The following SLC33A1 variants were observed in gnomAD, a reference collection of about 807,000 sequenced individuals.
SLC33A1 encodes acetyl-coenzyme A transporter 1.
In SLC33A1, 20 loss-of-function variants were observed where a neutral mutation model predicts 50.0. The observed-to-expected ratio is 0.40, with a 90% CI of 0.28 to 0.58. The LOEUF (loss-of-function observed/expected upper bound fraction) is 0.58, where lower values mean the gene tolerates loss of function less well. SLC33A1 is among the 20% of genes least tolerant of loss of function. SLC33A1 has a pLI of 0.44. For missense variants in SLC33A1, 476 were observed against 657.0 expected (o/e 0.72, Z 3.01); for synonymous variants, 265 against 251.8 (o/e 1.05, Z -0.50).
rs1489970383 is a variant in SLC33A1 at position 155,833,918 on chromosome 3, T to C, written c.1087A>G (p.Ile363Val). ...TGGGGACCTGCAGTGTATTTGCTGA[T>C]AATCAGAGGCAGTATTATCTGCAAA... ...VPLQIILPLI[I>V]SKYTAGPQPL... Residue 363 changes from isoleucine to valine, a missense_variant, in exon 3 of 6, where the codon ATC (isoleucine) becomes GTC (valine). Ile to Val is a conservative substitution (Grantham distance 29). Coordinates refer to ENST00000643144, the MANE Select transcript of SLC33A1 (RefSeq NM_004733.4). 2.5e-6 allele frequency: 4 copies of C among 1,614,012 alleles called. No individual in the cohort carries two copies. In the South Asian group the frequency reaches 3.3e-5, roughly 13 times the overall value.
At chr3:155,851,745 T>C (rs377227670) in intron 1 of SLC33A1, among the ~76,000 whole-genome samples, 29 of 151,704 alleles carry the variant, frequency 1.9e-4, no homozygotes, top group African/African-American at 6.5e-4. Flanking sequence ...AAAGCAGGAG[T>C]GGAACCCCAG....
rs1409597128 is a variant in SLC33A1, at chr3:155,825,465, T to A, written c.*2745A>T. ...GCCACAGCATCCAGCCTAAGGAAGATCCCTTGAGCCTAGGAATTTGAGGCT... is the reference window on the plus strand; with the variant it reads ...GCCACAGCATCCAGCCTAAGGAAGAACCCTTGAGCCTAGGAATTTGAGGCT... On this transcript the variant is annotated 3_prime_UTR_variant, in exon 6 of 6. Transcript: ENST00000643144. The A allele has an allele frequency of 3.3e-5, 5 of 152,174 alleles. No individual in the cohort carries two copies. Among genetic ancestry groups the A allele is most frequent in the Non-Finnish European group, 7.3e-5 (5 of 68,054 alleles). The allele number at this position is 152,174 out of a possible 1,614,324, so 9.4% of individuals were successfully genotyped here.
rs943636235 is a variant in SLC33A1, at chr3:155,830,246, G to A, written c.1267-343C>T. ...AAAATAGCCGGATGTGGTGGCAGGC[G>A]CCTGTAGTCCCAGCTACTTGGGAGG... On this transcript the variant is annotated intron_variant, in intron 4 of 5. Transcript: ENST00000643144. Among the ~76,000 whole-genome samples, 6 of 151,658 alleles carry A rather than the reference G, an allele frequency of 4.0e-5. No homozygotes were observed. In the East Asian group the frequency reaches 7.7e-4, roughly 20 times the overall value.
intron 1 of SLC33A1, among the ~76,000 whole-genome samples, chr3:155,850,401 G>A (rs1406108750): frequency 6.6e-6 from 1 of 152,156 alleles, no homozygotes; most frequent in Non-Finnish European, 1.5e-5. Flanking sequence ...TACTTAAGAT[G>A]AGAAAGCCTC....
chr3:155,850,704 C>T (rs1487585075), intron 1 of SLC33A1, among the ~76,000 whole-genome samples: 2 of 151,654 alleles, frequency 1.3e-5, no homozygotes, highest in Non-Finnish European at 2.9e-5. Flanking sequence ...GCAACCTCTG[C>T]TTCCTGGGTT....
chr3:155,826,782 C>T lies in SLC33A1; in HGVS notation c.*1428G>A, dbSNP rs1413293307. On this transcript the variant is annotated 3_prime_UTR_variant, in exon 6 of 6. Coordinates refer to ENST00000643144, the MANE Select transcript of SLC33A1 (RefSeq NM_004733.4). ...TGCCATTTTCTCCCACCCATTTTAT[C>T]CTCCATTACTTATAAAAACCCCACT... The T allele has an allele frequency of 6.6e-6, 1 of 152,100 alleles. No individual in the cohort carries two copies. The highest frequency in any genetic ancestry group is 2.4e-5 in the African/African-American group (1 of 41,404). 9.4% of individuals were successfully genotyped at this position (152,100 alleles called of 1,614,324 possible).
Position 155,829,738 on chromosome 3 carries a change from CTT to C in SLC33A1, c.1430_1431del (p.Lys477ArgfsTer14). Reference sequence around the variant, plus strand: ...TTCTGGTTTGATGCTCCTACACACTCTTTTACTGTGAGGGGATCTACAAGCCA... The same window carrying C: ...TTCTGGTTTGATGCTCCTACACACTCTTACTGTGAGGGGATCTACAAGCCA... ...ALWLVDPLTVKECVGASNQNC... is the reference protein window; with the variant it reads ...ALWLVDPLTVXECVGASNQNC... On this transcript the variant is annotated frameshift_variant, in exon 5 of 6. Transcript: ENST00000643144. LOFTEE classifies it high-confidence loss of function. 4 of 1,614,120 alleles carry C rather than the reference CTT, an allele frequency of 2.5e-6. No homozygotes were observed. Among genetic ancestry groups the C allele is most frequent in the Non-Finnish European group, 3.4e-6 (4 of 1,180,008 alleles).
chr3:155,824,221 T>C lies in SLC33A1; in HGVS notation c.*3989A>G, dbSNP rs146081110. Reference sequence around the variant, plus strand: ...TTCTCTAATAATAAGGTAAAATACATTTTGGAAATCTGCATGGAATGTTCC... The same window carrying C: ...TTCTCTAATAATAAGGTAAAATACACTTTGGAAATCTGCATGGAATGTTCC... On this transcript the variant is annotated 3_prime_UTR_variant, in exon 6 of 6. Coordinates refer to ENST00000643144, the MANE Select transcript of SLC33A1 (RefSeq NM_004733.4). 8.3e-4 allele frequency: 126 copies of C among 152,358 alleles called. No homozygotes were observed. The highest frequency in any genetic ancestry group is 2.8e-3 in the African/African-American group (116 of 41,584). 9.4% of individuals were successfully genotyped at this position (152,358 alleles called of 1,614,324 possible). A position where few individuals can be genotyped will look rare whatever the true frequency, so the allele number is the denominator to read the frequency against.
chr3:155,836,280 C>CAAA lies in SLC33A1; in HGVS notation c.964-2242_964-2240dup, dbSNP rs57460942. ...GCCTGGTGACAGAGTGAGACTCTGT[C>CAAA]AAAAAAAAAAAAAAAAAAAAAAAAA... is the stretch of plus-strand genomic sequence containing the variant. On this transcript the variant is annotated intron_variant, in intron 2 of 5. Coordinates refer to ENST00000643144, the MANE Select transcript of SLC33A1 (RefSeq NM_004733.4). Among the ~76,000 whole-genome samples the CAAA allele has an allele frequency of 1.9e-3, 51 of 27,170 alleles. 4 individuals carry two copies. Among genetic ancestry groups the CAAA allele is most frequent in the Admixed American group, 2.5e-3 (3 of 1,188 alleles). The allele number at this position is 27,170 out of a possible 152,430, so 17.8% of individuals were successfully genotyped here.
In SLC33A1 at chr3:155,822,686, A is replaced by G. The variant is rs1289323578; in HGVS notation, c.*5524T>C. On this transcript the variant is annotated 3_prime_UTR_variant, in exon 6 of 6. Transcript: ENST00000643144. ...ATTATTCTTCACATAAAATTGTTAT[A>G]AAGTTATATTGTCTATATTGACAAT... The G allele has an allele frequency of 1.3e-5, 2 of 152,154 alleles. No homozygotes were observed. Among genetic ancestry groups the G allele is most frequent in the Admixed American group, 6.5e-5 (1 of 15,276 alleles). The allele number at this position is 152,154 out of a possible 1,614,324, so 9.4% of individuals were successfully genotyped here. A position where few individuals can be genotyped will look rare whatever the true frequency, so the allele number is the denominator to read the frequency against.
At chr3:155,849,729 G>A (rs576250580) in intron 1 of SLC33A1, among the ~76,000 whole-genome samples, 8 of 151,506 alleles carry the variant, frequency 5.3e-5, no homozygotes, top group South Asian at 4.2e-4. Flanking sequence ...CCAACATGGC[G>A]AAACCCCATC....
At chr3:155,836,483 T>C (rs1560015628) in intron 2 of SLC33A1, among the ~76,000 whole-genome samples, 1 of 151,914 alleles carries the variant, frequency 6.6e-6, no homozygotes, top group Non-Finnish European at 1.5e-5. Flanking sequence ...TTTGTAAAAA[T>C]AAGACATACA....
rs1005661026 is a variant in SLC33A1 at position 155,825,656 on chromosome 3, G to A, written c.*2554C>T. 4.6e-5 allele frequency: 7 copies of A among 152,094 alleles called. No homozygotes were observed. Among genetic ancestry groups the A allele is most frequent in the South Asian group, 2.1e-4 (1 of 4,816 alleles). The allele number at this position is 152,094 out of a possible 1,614,324, so 9.4% of individuals were successfully genotyped here. ...TTTTCAAACTCAGATGTATATATGC[G>A]GCAACCAATGTGCATATGGAGATAC... On this transcript the variant is annotated 3_prime_UTR_variant, in exon 6 of 6. Transcript: ENST00000643144.
intron 4 of SLC33A1, among the ~76,000 whole-genome samples, chr3:155,830,199 T>C (rs2109305721): frequency 7.1e-6 from 1 of 139,918 alleles, no homozygotes; most frequent in South Asian, 2.2e-4. Flanking sequence ...CTGTCTCTAC[T>C]GAAAAATACA....
chr3:155,831,457 C>CAAAAAAAAAAAAAAAA (rs397991448), intron 4 of SLC33A1, among the ~76,000 whole-genome samples: 16 of 46,712 alleles, frequency 3.4e-4, no homozygotes, highest in African/African-American at 8.1e-4. Flanking sequence ...GACTCTGTCT[C>CAAAAAAAAAAAAAAAA]AAAAAAAAAA....
chr3:155,821,561 G>C lies in SLC33A1; in HGVS notation c.*6649C>G, dbSNP rs2109295814. ...GGCTCACCGCAACCCCTGCCTCCCG[G>C]GTTCAAGCGATTCTCCTGCCTCAGC... is the stretch of plus-strand genomic sequence containing the variant. On this transcript the variant is annotated 3_prime_UTR_variant, in exon 6 of 6. Coordinates refer to ENST00000643144, the MANE Select transcript of SLC33A1 (RefSeq NM_004733.4). 1 of 152,266 alleles carries C rather than the reference G, an allele frequency of 6.6e-6. No homozygotes were observed. The highest frequency in any genetic ancestry group is 1.9e-4 in the East Asian group (1 of 5,186). The allele number at this position is 152,266 out of a possible 1,614,324, so 9.4% of individuals were successfully genotyped here.
chr3:155,830,297 C>G (rs1414958228), intron 4 of SLC33A1, among the ~76,000 whole-genome samples: 1 of 151,696 alleles, frequency 6.6e-6, no homozygotes, highest in South Asian at 2.1e-4. Context: ...GGCGTGAACC[C>G]GGGAGGCGGA....
intron 2 of SLC33A1, among the ~76,000 whole-genome samples, chr3:155,841,489 A>G (rs1752935580): frequency 1.3e-5 from 2 of 152,310 alleles, no homozygotes; most frequent in East Asian, 1.9e-4. Context: ...TGAAAATCCT[A>G]TAAGATTGCA....
chr3:155,853,095 A>G, intron 1 of SLC33A1, 128 bp downstream of exon 1: 1 of 823,596 alleles, frequency 1.2e-6, no homozygotes, highest in Non-Finnish European at 2.0e-6. Context: ...TTTGGACGAA[A>G]CAGAAAACTT....
Sources: allele counts gnomAD v4.1 joint callset (sites outside exome capture counted in the v4.1 genomes callset), GRCh38; gene constraint gnomAD v4.1.1; transcripts MANE v1.5; gene names NCBI Gene and HGNC (gene_info 2026-07-23, HGNC 2026-07-21).